The following FNBP1 variants were observed in gnomAD, a reference collection of about 807,000 sequenced individuals.
FNBP1 encodes formin binding protein 1.
In FNBP1, 26 loss-of-function variants were observed where a neutral mutation model predicts 90.6. The observed-to-expected ratio is 0.29, with a 90% CI of 0.21 to 0.40. The LOEUF (loss-of-function observed/expected upper bound fraction) is 0.40, where lower values mean the gene tolerates loss of function less well. Among genes scored for constraint, FNBP1 ranks in the 10% least tolerant of loss-of-function variants. The probability of loss-of-function intolerance (pLI) is 1.00; values close to 1 mark genes in which losing one functional copy is unlikely to be tolerated. For synonymous variants in FNBP1, 260 were observed against 265.2 expected (o/e 0.98, Z 0.19); for missense variants, 635 against 768.0 (o/e 0.83, Z 2.05).
At chr9:129,939,791 C>T (rs1319542569) in intron 6 of FNBP1, among the ~76,000 whole-genome samples, 2 of 152,058 alleles carry the variant, frequency 1.3e-5, no homozygotes, top group African/African-American at 4.8e-5. Flanking sequence ...CAAAGTTACG[C>T]TCATACAAAA....
chr9:129,975,662 G>T (rs1247468289), intron 4 of FNBP1, among the ~76,000 whole-genome samples: 1 of 152,154 alleles, frequency 6.6e-6, no homozygotes, highest in Admixed American at 6.6e-5. Context: ...AGCAGTTTGG[G>T]AGGCCAAGAC....
At position 130,042,697 on chromosome 9, in the gene FNBP1, C is replaced by T. The variant is rs1192090676; in HGVS notation, c.24+255G>A. Among the ~76,000 whole-genome samples, 1 of 151,760 alleles carries T rather than the reference C, an allele frequency of 6.6e-6. No homozygotes were observed. The highest frequency in any genetic ancestry group is 2.4e-5 in the African/African-American group (1 of 41,394). Reference sequence around the variant, plus strand: ...CCGGGGCGCCGGGGACAGGGAGGCCCGCCCGCGCCGTTCCTCAGGCCGCCG... The same window carrying T: ...CCGGGGCGCCGGGGACAGGGAGGCCTGCCCGCGCCGTTCCTCAGGCCGCCG... On this transcript the variant is annotated intron_variant, in intron 1 of 16. Coordinates refer to ENST00000446176, the MANE Select transcript of FNBP1 (RefSeq NM_015033.3). This position sits in a 1 kb window ranked among gnomAD's most constrained non-coding sequence, Gnocchi z 5.5.
At chr9:130,005,431 T>G (rs1170063508) in intron 1 of FNBP1, among the ~76,000 whole-genome samples, 1 of 148,988 alleles carries the variant, frequency 6.7e-6, no homozygotes, top group Non-Finnish European at 1.5e-5. Context: ...GACCTCCGCC[T>G]CTCGGGTTCA....
intron 4 of FNBP1, among the ~76,000 whole-genome samples, chr9:129,968,598 A>G (rs1458742321): frequency 6.6e-6 from 1 of 152,170 alleles, no homozygotes; most frequent in Non-Finnish European, 1.5e-5. Flanking sequence ...CCCCTTCATA[A>G]GATCCATAAA....
chr9:130,040,520 C>G (rs894999680), intron 1 of FNBP1, among the ~76,000 whole-genome samples: 4 of 151,082 alleles, frequency 2.6e-5, no homozygotes, highest in African/African-American at 9.7e-5. Flanking sequence ...ACTTGGGAGG[C>G]TGAGGCAGGA....
intron 11 of FNBP1, 30 bp downstream of exon 11, chr9:129,915,936 T>G (rs765010832): frequency 3.8e-6 from 6 of 1,581,272 alleles, no homozygotes; most frequent in Non-Finnish European, 5.2e-6. Flanking sequence ...CTGATTAGAC[T>G]CAGGACATGC....
the FNBP1 span, among the ~76,000 whole-genome samples, chr9:130,049,495 T>C: frequency 0.88 from 134,433 of 152,154 alleles, 60,367 homozygotes; most frequent in East Asian, 0.97. Flanking sequence ...TGGAGGACTG[T>C]TTGAGCCCAG....
chr9:130,017,558 G>A (rs541179330), intron 1 of FNBP1, among the ~76,000 whole-genome samples: 94 of 152,202 alleles, frequency 6.2e-4, no homozygotes, highest in Middle Eastern at 3.4e-3. Flanking sequence ...GGCTGGGTGC[G>A]GTAGCTCACG....
chr9:130,022,392 A>G (rs545138192), intron 1 of FNBP1, among the ~76,000 whole-genome samples: 40 of 151,790 alleles, frequency 2.6e-4, no homozygotes, highest in Admixed American at 9.2e-4. Context: ...TTTTTAGTAG[A>G]GATAGGGTTT....
intron 11 of FNBP1, among the ~76,000 whole-genome samples, chr9:129,910,552 T>C (rs1011385709): frequency 1.1e-4 from 16 of 150,834 alleles, no homozygotes; most frequent in Admixed American, 1.3e-4. Flanking sequence ...CCAGGGCATT[T>C]AGAAAAGAGA....
At chr9:129,995,048 A>C (rs1441567842) in intron 1 of FNBP1, 90 bp from the exon 2 acceptor site, 6 of 717,944 alleles carry the variant, frequency 8.4e-6, no homozygotes, top group African/African-American at 1.8e-5. Context: ...ATATTACTAC[A>C]TACAAAGTAG....
Position 129,889,570 on chromosome 9 carries a change from CAA to C in FNBP1, c.*967_*968del, listed in dbSNP as rs397894225. ...GAACAATAGAGCGAGACTCCCGTCT[CAA>C]AAAAAAAAAAAAAACAACAACAAAA... On this transcript the variant is annotated 3_prime_UTR_variant, in exon 17 of 17. Coordinates refer to ENST00000446176, the MANE Select transcript of FNBP1 (RefSeq NM_015033.3). 2.5e-3 allele frequency: 279 copies of C among 112,236 alleles called. No homozygotes were observed. Among genetic ancestry groups the C allele is most frequent in the Middle Eastern group, 5.4e-3 (2 of 370 alleles). 7.0% of individuals were successfully genotyped at this position (112,236 alleles called of 1,614,324 possible).
In FNBP1 at chr9:130,031,970, T is replaced by C. The variant is rs1190476266; in HGVS notation, c.24+10982A>G. On this transcript the variant is annotated intron_variant, in intron 1 of 16. Coordinates refer to ENST00000446176, the MANE Select transcript of FNBP1 (RefSeq NM_015033.3). The surrounding 1 kb of genome is among the most constrained non-coding windows in gnomAD (Gnocchi z 4.2). The stretch of plus-strand genomic sequence containing the variant: ...AGCCACTGCGCCTGGCCTGATGAAA[T>C]TTTTACAATTTTGTTTGGTTTCCTT... Among the ~76,000 whole-genome samples the C allele has an allele frequency of 6.6e-6, 1 of 151,926 alleles. No individual in the cohort carries two copies. The highest frequency in any genetic ancestry group is 2.4e-5 in the African/African-American group (1 of 41,362).
At chr9:129,949,885 A>G (rs2045907622) in intron 6 of FNBP1, among the ~76,000 whole-genome samples, 1 of 152,238 alleles carries the variant, frequency 6.6e-6, no homozygotes, top group South Asian at 2.1e-4. Flanking sequence ...TATAGTTCAT[A>G]TCAATTGTAT....
At chr9:129,989,342 C>T (rs1401922693) in intron 2 of FNBP1, among the ~76,000 whole-genome samples, 1 of 152,198 alleles carries the variant, frequency 6.6e-6, no homozygotes, top group East Asian at 1.9e-4. Flanking sequence ...GATTGAAACT[C>T]GGCTGGCACC....
intron 3 of FNBP1, among the ~76,000 whole-genome samples, chr9:129,978,839 A>G (rs538056531): frequency 1.2e-4 from 19 of 152,344 alleles, no homozygotes; most frequent in East Asian, 5.8e-4. Flanking sequence ...ATAATGTAAT[A>G]TTTGGCTTCA....
chr9:129,991,889 G>A (rs2053222646), intron 2 of FNBP1, among the ~76,000 whole-genome samples: 1 of 152,088 alleles, frequency 6.6e-6, no homozygotes, highest in African/African-American at 2.4e-5. Context: ...TCGATCTCCT[G>A]ACTTCGTGAT....
intron 1 of FNBP1, among the ~76,000 whole-genome samples, chr9:130,026,481 G>A (rs1042287314): frequency 2.6e-5 from 4 of 151,262 alleles, no homozygotes; most frequent in Non-Finnish European, 5.9e-5. Flanking sequence ...GCAACACAGC[G>A]AGACTCTATC....
intron 4 of FNBP1, among the ~76,000 whole-genome samples, chr9:129,959,603 AT>A (rs1472132163): frequency 1.3e-5 from 2 of 152,182 alleles, no homozygotes; most frequent in Admixed American, 1.3e-4. Context: ...AAATAAAAAA[AT>A]AAAATAAAAT....
Sources: gnomAD v4.1 joint callset for allele counts (sites outside exome capture counted in the v4.1 genomes callset) on GRCh38, gnomAD v4.1.1 for gene constraint, Gnocchi (gnomAD v3.1) non-coding constraint, MANE v1.5 for transcripts, NCBI Gene and HGNC (gene_info 2026-07-23, HGNC 2026-07-21) for gene names.